Variants in CNTNAP5 observed in about 807,000 individuals in gnomAD.
CNTNAP5 encodes contactin associated protein family member 5.
CNTNAP5 carries 72 observed loss-of-function variants against 150.2 expected under a neutral mutation model. That is an observed-to-expected ratio of 0.48 (90% CI 0.40 to 0.58). The LOEUF (loss-of-function observed/expected upper bound fraction) is 0.58. Ranked by LOEUF, CNTNAP5 falls within the 20% of genes least tolerant of loss-of-function variation. The probability of loss-of-function intolerance (pLI) is 0.00; values close to 1 mark genes in which losing one functional copy is unlikely to be tolerated. For missense variants in CNTNAP5, 1,636 were observed against 1,626.2 expected (o/e 1.01, Z -0.10); for synonymous variants, 672 against 619.8 (o/e 1.08, Z -1.25).
intron 19 of CNTNAP5, among the ~76,000 whole-genome samples, chr2:124,799,339 C>T (rs1681916448): frequency 1.3e-5 from 2 of 152,202 alleles, no homozygotes; most frequent in South Asian, 4.1e-4. Flanking sequence ...TCTGATACTG[C>T]TTAATTCCAC....
intron 6 of CNTNAP5, among the ~76,000 whole-genome samples, chr2:124,463,798 A>G (rs1298122127): frequency 1.3e-5 from 2 of 152,176 alleles, no homozygotes; most frequent in Non-Finnish European, 2.9e-5. Flanking sequence ...CAGTGGAACC[A>G]GGTGTAGAAG....
chr2:124,428,736 G>T (rs1340793680), intron 4 of CNTNAP5, among the ~76,000 whole-genome samples: 1 of 151,430 alleles, frequency 6.6e-6, no homozygotes, highest in African/African-American at 2.4e-5. Context: ...GGACCTTTCA[G>T]GGCTACTAAG....
chr2:124,845,309 C>T (rs565692240), intron 19 of CNTNAP5, among the ~76,000 whole-genome samples: 138 of 151,866 alleles, frequency 9.1e-4, no homozygotes, highest in African/African-American at 3.1e-3. Context: ...TTAAACCATC[C>T]CTGCATTCCT....
intron 17 of CNTNAP5, among the ~76,000 whole-genome samples, chr2:124,778,118 G>C (rs972105305): frequency 2.0e-5 from 3 of 152,132 alleles, no homozygotes; most frequent in Non-Finnish European, 4.4e-5. Context: ...AATCTGAGGG[G>C]CAATTGCAGG....
Position 124,347,341 on chromosome 2 carries a change from C to G in CNTNAP5, c.382-70102C>G, listed in dbSNP as rs1020282342. On this transcript the variant is annotated intron_variant, in intron 3 of 23. Coordinates refer to ENST00000682447, the MANE Select transcript of CNTNAP5 (RefSeq NM_001367498.1). ...TTCCTACCTCTTCTTCACTGCAGAG[C>G]GTGACAGAGTCTGGGAGACTGAGGG... Among the ~76,000 whole-genome samples the G allele has an allele frequency of 3.9e-5, 6 of 152,206 alleles. No homozygotes were observed. The South Asian group carries it at 1.0e-3, about 26-fold the overall frequency.
chr2:124,274,116 A>T (rs1687825848), intron 3 of CNTNAP5, among the ~76,000 whole-genome samples: 2 of 152,332 alleles, frequency 1.3e-5, no homozygotes, highest in Admixed American at 1.3e-4. Context: ...ATTCAAAATT[A>T]TCAGTTAGCT....
In CNTNAP5 at chr2:124,915,760, G is replaced by T. The variant is rs1678753829; in HGVS notation, c.*1472G>T. The stretch of plus-strand genomic sequence containing the variant: ...AAGAAGGCACCTTGAGCTCATCCAT[G>T]GGGTGGCGGTAAAGATCTTAATGAT... On this transcript the variant is annotated 3_prime_UTR_variant, in exon 24 of 24. Coordinates refer to ENST00000682447, the MANE Select transcript of CNTNAP5 (RefSeq NM_001367498.1). Among the ~76,000 whole-genome samples, 1 of 152,018 alleles carries T rather than the reference G, an allele frequency of 6.6e-6. No individual in the cohort carries two copies.
intron 7 of CNTNAP5, among the ~76,000 whole-genome samples, chr2:124,497,321 T>G (rs553197503): frequency 6.6e-6 from 1 of 152,184 alleles, no homozygotes; most frequent in Non-Finnish European, 1.5e-5. Flanking sequence ...TAATGCCCAC[T>G]AATAGAAACA....
chr2:124,042,475 G>A (rs1401418035), intron 1 of CNTNAP5, among the ~76,000 whole-genome samples: 1 of 152,064 alleles, frequency 6.6e-6, no homozygotes, highest in Non-Finnish European at 1.5e-5. Flanking sequence ...ATAGGCTTTA[G>A]ACAGACAAGG....
At chr2:124,407,267 T>G (rs1691595605) in intron 3 of CNTNAP5, among the ~76,000 whole-genome samples, 1 of 152,242 alleles carries the variant, frequency 6.6e-6, no homozygotes, top group South Asian at 2.1e-4. Context: ...GGCATCAATT[T>G]CTTCTACTTT....
intron 8 of CNTNAP5, among the ~76,000 whole-genome samples, chr2:124,518,461 G>A (rs981297094): frequency 2.6e-5 from 4 of 152,122 alleles, no homozygotes; most frequent in Admixed American, 1.3e-4. Context: ...TGTTAAAAGC[G>A]AAGTCATTTG....
intron 4 of CNTNAP5, among the ~76,000 whole-genome samples, chr2:124,423,731 C>A (rs1259639281): frequency 1.7e-5 from 2 of 118,724 alleles, no homozygotes; most frequent in Non-Finnish European, 3.3e-5. Context: ...GTGGCGCAAT[C>A]GCGGCTCACT....
chr2:124,727,687 C>A (rs902842012), intron 13 of CNTNAP5, among the ~76,000 whole-genome samples: 1 of 151,978 alleles, frequency 6.6e-6, no homozygotes, highest in Non-Finnish European at 1.5e-5. Flanking sequence ...TTACCGAATT[C>A]ATCTATTCTA....
intron 10 of CNTNAP5, among the ~76,000 whole-genome samples, chr2:124,554,755 T>C (rs996220279): frequency 6.6e-6 from 1 of 152,160 alleles, no homozygotes; most frequent in Non-Finnish European, 1.5e-5. Context: ...ACAAGAATTA[T>C]ACTCGAATAG....
intron 12 of CNTNAP5, among the ~76,000 whole-genome samples, chr2:124,631,198 G>T (rs936258355): frequency 1.3e-5 from 2 of 151,768 alleles, no homozygotes; most frequent in African/African-American, 2.4e-5. Flanking sequence ...TACCATTGAC[G>T]TTCTTCACAA....
At chr2:124,882,303 C>T (rs1002939219) in intron 21 of CNTNAP5, among the ~76,000 whole-genome samples, 12 of 151,998 alleles carry the variant, frequency 7.9e-5, no homozygotes, top group East Asian at 3.9e-4. Flanking sequence ...GAGTCTCTGC[C>T]GGGGTGCAGC....
At chr2:124,786,523 G>GAAAGAAAGAAAGAAAGAAAGAA (rs1553442195) in intron 17 of CNTNAP5, among the ~76,000 whole-genome samples, 5 of 137,702 alleles carry the variant, frequency 3.6e-5, no homozygotes, top group African/African-American at 1.5e-4. Flanking sequence ...AAGAAAGAAA[G>GAAAGAAAGAAAGAAAGAAAGAA]AGAAAGAAAG....
intron 14 of CNTNAP5, among the ~76,000 whole-genome samples, chr2:124,758,215 G>A (rs1680882218): frequency 6.6e-6 from 1 of 151,866 alleles, no homozygotes; most frequent in African/African-American, 2.4e-5. Context: ...TAAGAGTGAG[G>A]GAGGAAGTAA....
intron 10 of CNTNAP5, among the ~76,000 whole-genome samples, chr2:124,536,866 G>GCCAA (rs1695243853): frequency 1.3e-5 from 2 of 152,110 alleles, no homozygotes; most frequent in African/African-American, 4.8e-5. Context: ...ATATTGGAAG[G>GCCAA]GCTGTCTTGG....
Sources: allele counts gnomAD v4.1 joint callset (sites outside exome capture counted in the v4.1 genomes callset), GRCh38; gene constraint gnomAD v4.1.1; transcripts MANE v1.5; gene names NCBI Gene and HGNC (gene_info 2026-07-23, HGNC 2026-07-21).